PTGR1: variants seen among roughly 807,000 people sequenced by gnomAD.
PTGR1 encodes 15-oxoprostaglandin 13-reductase.
Under a neutral mutation model 37.7 loss-of-function variants are expected in PTGR1, and 23 were observed. That is an observed-to-expected ratio of 0.61 (90% CI 0.44 to 0.86). PTGR1 has a LOEUF of 0.86. Among genes scored for constraint, PTGR1 ranks in the 40% least tolerant of loss-of-function variants. The probability of loss-of-function intolerance (pLI) is 0.00; values close to 1 mark genes in which losing one functional copy is unlikely to be tolerated. For missense variants in PTGR1, 351 were observed against 394.3 expected (o/e 0.89, Z 0.93); for synonymous variants, 134 against 140.0 (o/e 0.96, Z 0.30).
chr9:111,585,608 C>T (rs1331193202), intron 5 of PTGR1, among the ~76,000 whole-genome samples: 2 of 152,156 alleles, frequency 1.3e-5, no homozygotes, highest in Non-Finnish European at 2.9e-5. Context: ...GCCTCCCGGC[C>T]CCTGATAACT....
chr9:111,579,956 C>T (rs879327192), intron 6 of PTGR1, among the ~76,000 whole-genome samples: 8 of 152,122 alleles, frequency 5.3e-5, no homozygotes, highest in East Asian at 1.9e-4. Context: ...CATTTTCAAT[C>T]GAGGAAAAAC....
downstream of PTGR1, among the ~76,000 whole-genome samples, chr9:111,560,461 G>A (rs1257209050): frequency 8.3e-6 from 1 of 119,818 alleles, no homozygotes; most frequent in African/African-American, 3.2e-5. Flanking sequence ...GTGACAGAGC[G>A]AGACTCCATC....
chr9:111,591,930 C>A (rs937344182), intron 4 of PTGR1, among the ~76,000 whole-genome samples: 1 of 152,148 alleles, frequency 6.6e-6, no homozygotes, highest in Non-Finnish European at 1.5e-5. Flanking sequence ...ATGTGCTTCC[C>A]CCTGCAGAGA....
chr9:111,569,074 A>C (rs924361351), intron 9 of PTGR1, among the ~76,000 whole-genome samples: 1 of 152,248 alleles, frequency 6.6e-6, no homozygotes, highest in African/African-American at 2.4e-5. Context: ...TGAGCAGGAA[A>C]GATCAAAATA....
chr9:111,561,050 T>C (rs867939954), downstream of PTGR1, among the ~76,000 whole-genome samples: 12 of 58,932 alleles, frequency 2.0e-4, no homozygotes, highest in Middle Eastern at 0.014. Context: ...ACCACTGCAC[T>C]CCAGCCTGGG....
intron 8 of PTGR1, among the ~76,000 whole-genome samples, chr9:111,571,136 G>A (rs933651470): frequency 6.7e-6 from 1 of 149,872 alleles, no homozygotes; most frequent in African/African-American, 2.4e-5. Flanking sequence ...GTGTGGGGTC[G>A]GGTGCGTGGC....
intron 2 of PTGR1, 125 bp downstream of exon 2, chr9:111,597,192 C>G (rs768822074): frequency 3.6e-5 from 27 of 744,444 alleles, no homozygotes; most frequent in Admixed American, 2.5e-4. Context: ...ATTGCCAACC[C>G]AAAGAATTGT....
intron 1 of PTGR1, 96 bp from the exon 2 acceptor site, chr9:111,597,528 T>A: frequency 1.4e-6 from 1 of 690,702 alleles, no homozygotes; most frequent in Non-Finnish European, 2.5e-6. Context: ...ACAATTACAA[T>A]ATCCTCAAAT....
At chr9:111,574,635 C>T (rs1467157524) in intron 8 of PTGR1, 99 bp downstream of exon 8, 6 of 684,942 alleles carry the variant, frequency 8.8e-6, no homozygotes, top group South Asian at 2.4e-5. Flanking sequence ...ATATGAAAAT[C>T]TTTCTAATAA....
rs761614724 is a variant in PTGR1 at position 111,549,765 on chromosome 9, T to C, written c.*8A>G. On this transcript the variant is annotated 3_prime_UTR_variant, in exon 10 of 10. Coordinates refer to the PTGR1 transcript ENST00000538962. Reference sequence around the variant, plus strand: ...TACATATTCCCTTCATTTTTCTGCTTTGAAGCTTCAATCTTCTTCATTTTC... The same window carrying C: ...TACATATTCCCTTCATTTTTCTGCTCTGAAGCTTCAATCTTCTTCATTTTC... 16 of 1,550,390 alleles carry C rather than the reference T, an allele frequency of 1.0e-5. 1 individual carries two copies. In the South Asian group the frequency reaches 1.5e-4, roughly 15 times the overall value.
At chr9:111,557,804 C>T (rs1218279007), downstream of PTGR1, among the ~76,000 whole-genome samples, 2 of 152,200 alleles carry the variant, frequency 1.3e-5, no homozygotes, top group Non-Finnish European at 1.5e-5. Flanking sequence ...CTTTAAACAA[C>T]TTCTTTACCC....
intron 4 of PTGR1, chr9:111,589,475 T>A: frequency 1.7e-6 from 1 of 577,424 alleles, no homozygotes; most frequent in Non-Finnish European, 2.2e-6. Context: ...CAGGCTGGTC[T>A]TGAACTCCTG....
chr9:111,555,819 G>T (rs1322263521), intron 9 of PTGR1, among the ~76,000 whole-genome samples: 1 of 152,206 alleles, frequency 6.6e-6, no homozygotes, highest in East Asian at 1.9e-4. Flanking sequence ...TAGTTCAACA[G>T]ATTTGGGTGG....
intron 9 of PTGR1, among the ~76,000 whole-genome samples, chr9:111,566,502 T>C (rs1828568805): frequency 6.6e-6 from 1 of 152,202 alleles, no homozygotes; most frequent in Non-Finnish European, 1.5e-5. Flanking sequence ...AAACATGATG[T>C]CATTTTTCCC....
chr9:111,549,780 T>C, exon 10 of PTGR1: 2 of 1,546,570 alleles, frequency 1.3e-6, no homozygotes, highest in Non-Finnish European at 1.8e-6. Context: ...GCTTCAATCT[T>C]CTTCATTTTC....
downstream of PTGR1, among the ~76,000 whole-genome samples, chr9:111,557,825 A>G (rs1246479624): frequency 6.6e-6 from 1 of 152,160 alleles, no homozygotes; most frequent in African/African-American, 2.4e-5. Context: ...TTGGTAATTA[A>G]AAAGTATTCT....
intron 9 of PTGR1, among the ~76,000 whole-genome samples, chr9:111,552,448 T>C (rs1827997038): frequency 6.6e-6 from 1 of 152,222 alleles, no homozygotes; most frequent in South Asian, 2.1e-4. Context: ...AATAGAGCAA[T>C]GAGGGAAAAG....
At position 111,588,516 on chromosome 9, in the gene PTGR1, C is replaced by T. The variant is rs547765112; in HGVS notation, c.210-2351G>A. ...AATTGCTGGGATTACAGGCGTGAGC[C>T]ACGTGCCTGGCCAATTTTTTTTTTT... On this transcript the variant is annotated intron_variant, in intron 4 of 9. Transcript: ENST00000407693. 8.6e-5 allele frequency among the ~76,000 whole-genome samples: 13 copies of T among 151,202 alleles called. No homozygotes were observed. In the East Asian group the frequency reaches 2.5e-3, roughly 30 times the overall value.
At chr9:111,586,957 G>T (rs1010275940) in intron 4 of PTGR1, among the ~76,000 whole-genome samples, 1 of 151,338 alleles carries the variant, frequency 6.6e-6, no homozygotes, top group Non-Finnish European at 1.5e-5. Context: ...GATTATAGGC[G>T]CCCACCACAA....
Sources: allele counts gnomAD v4.1 joint callset (sites outside exome capture counted in the v4.1 genomes callset), GRCh38; gene constraint gnomAD v4.1.1; transcripts MANE v1.5; gene names NCBI Gene and HGNC (gene_info 2026-07-23, HGNC 2026-07-21).